USP13: variants seen among roughly 807,000 people sequenced by gnomAD.
The protein encoded by USP13 is ubiquitin specific peptidase 13, also known as ubiquitin carboxyl-terminal hydrolase 13.
USP13 carries 68 observed loss-of-function variants against 107.8 expected under a neutral mutation model. The observed-to-expected ratio is 0.63, with a 90% confidence interval of 0.52 to 0.77. The LOEUF is 0.77. USP13 is among the 30% of genes least tolerant of loss of function. The probability of loss-of-function intolerance (pLI) is 0.00; values close to 1 mark genes in which losing one functional copy is unlikely to be tolerated. For missense variants in USP13, 945 were observed against 1,093.3 expected, an observed-to-expected ratio of 0.86 and a Z score of 1.91; for synonymous variants, 377 against 389.5, an observed-to-expected ratio of 0.97 and a Z score of 0.38.
At chr3:179,704,068 A>C (rs1007259264) in intron 4 of USP13, among the ~76,000 whole-genome samples, 3 of 151,584 alleles carry the variant, frequency 2.0e-5, no homozygotes, top group African/African-American at 7.3e-5. Flanking sequence ...TAACATATCC[A>C]GGGAAAAATA....
chr3:179,740,578 CT>C (rs1714158100), intron 11 of USP13, among the ~76,000 whole-genome samples: 1 of 152,162 alleles, frequency 6.6e-6, no homozygotes, highest in African/African-American at 2.4e-5. Context: ...TTTCCAGACA[CT>C]TGTGGATCTC....
intron 2 of USP13, among the ~76,000 whole-genome samples, chr3:179,683,020 C>T (rs1017395814): frequency 1.3e-5 from 2 of 150,656 alleles, no homozygotes; most frequent in Non-Finnish European, 2.9e-5. Flanking sequence ...GAAGTGGCAT[C>T]TAAATATTTG....
chr3:179,703,487 C>T (rs932204327), intron 4 of USP13, among the ~76,000 whole-genome samples: 3 of 152,142 alleles, frequency 2.0e-5, no homozygotes, highest in African/African-American at 4.8e-5. Flanking sequence ...AGAGACATAG[C>T]ACTGTGAGCT....
chr3:179,781,811 A>G lies in USP13; in HGVS notation c.2486A>G (p.Lys829Arg), dbSNP rs749256817. The G allele has an allele frequency of 6.2e-7, 1 of 1,613,992 alleles. No individual in the cohort carries two copies. ...AGTGGTCATTACATTTGCCATATCA[A>G]AAAGGAAGGAAGGTGAGTCATTTTT... Reference protein sequence around the residue: ...TMSGHYICHIKKEGRWVIYND... With the variant: ...TMSGHYICHIRKEGRWVIYND... The change falls in exon 20 of 21, where the codon AAA becomes AGA. Residue 829 changes from lysine (K) to arginine (R), a missense_variant. Transcript: ENST00000263966.
At chr3:179,730,374 A>C in intron 9 of USP13, 114 bp downstream of exon 9, 1 of 1,168,924 alleles carries the variant, frequency 8.6e-7, no homozygotes, top group Non-Finnish European at 1.2e-6. Context: ...TTTTTAAAAA[A>C]GTGTTCCAAA....
rs1218445589 is a variant in USP13, at chr3:179,719,946, A to T, written c.812A>T (p.Tyr271Phe). The T allele has an allele frequency of 9.3e-6, 15 of 1,613,426 alleles. No homozygotes were observed. Among genetic ancestry groups the T allele is most frequent in the Non-Finnish European group, 1.3e-5 (15 of 1,179,700 alleles). The change falls in exon 7 of 21, where the codon TAT becomes TTT. Residue 271 changes from tyrosine to phenylalanine, a missense_variant. By Grantham distance (22) the Tyr-to-Phe change is conservative. Coordinates refer to ENST00000263966, the MANE Select transcript of USP13 (RefSeq NM_003940.3). ...GTITPDGADV[Y>F]SFQEEEPVLD... ...TTTTCTCTTCATCCGCTAGATGTTTATTCTTTTCAAGAAGAAGAACCTGTT... is the reference window on the plus strand; with the variant it reads ...TTTTCTCTTCATCCGCTAGATGTTTTTTCTTTTCAAGAAGAAGAACCTGTT...
intron 3 of USP13, among the ~76,000 whole-genome samples, chr3:179,694,451 G>A (rs1576930606): frequency 6.6e-6 from 1 of 151,940 alleles, no homozygotes; most frequent in South Asian, 2.1e-4. Flanking sequence ...GTCACCTTAC[G>A]GTCCAAAATG....
intron 19 of USP13, among the ~76,000 whole-genome samples, chr3:179,766,811 C>A (rs1279926897): frequency 6.6e-6 from 1 of 152,196 alleles, no homozygotes; most frequent in South Asian, 2.1e-4. Context: ...TTGTTCTTAA[C>A]CTTTGTGATA....
At chr3:179,740,519 G>A in intron 11 of USP13, 147 bp downstream of exon 11, 1 of 1,276,804 alleles carries the variant, frequency 7.8e-7, no homozygotes, top group Non-Finnish European at 1.1e-6. Context: ...TCAGATCCCT[G>A]GAAACTCTCT....
At chr3:179,779,207 G>A (rs1427119958) in intron 19 of USP13, among the ~76,000 whole-genome samples, 1 of 150,784 alleles carries the variant, frequency 6.6e-6, no homozygotes, top group Non-Finnish European at 1.5e-5. Context: ...TGGGGGCCGA[G>A]TAATGACCAC....
At chr3:179,759,693 G>C (rs1457206043) in intron 16 of USP13, among the ~76,000 whole-genome samples, 1 of 150,068 alleles carries the variant, frequency 6.7e-6, no homozygotes, top group Admixed American at 6.6e-5. Context: ...TTTTTTTTTT[G>C]AGACGGAGTC....
At chr3:179,727,557 C>T (rs371008031) in intron 8 of USP13, among the ~76,000 whole-genome samples, 45 of 117,600 alleles carry the variant, frequency 3.8e-4, no homozygotes, top group Non-Finnish European at 5.0e-4. Context: ...AAGTCTCCCA[C>T]GTCTACCTCT....
intron 15 of USP13, among the ~76,000 whole-genome samples, chr3:179,755,074 G>A (rs1057303005): frequency 6.6e-6 from 1 of 152,138 alleles, no homozygotes; most frequent in Non-Finnish European, 1.5e-5. Context: ...ATGTGTGGTT[G>A]AAATGGACAG....
In USP13 at chr3:179,698,142, C is replaced by T. The variant is rs974142770; in HGVS notation, c.356-2866C>T. 2.0e-5 allele frequency among the ~76,000 whole-genome samples: 3 copies of T among 152,182 alleles called. No homozygotes were observed. The South Asian group carries it at 6.2e-4, about 32-fold the overall frequency. ...CATAGGAGGTAAGACTCATTTCCGGCTCTCTGAGCTGACAGTCTAGAAGAA... is the reference window on the plus strand; with the variant it reads ...CATAGGAGGTAAGACTCATTTCCGGTTCTCTGAGCTGACAGTCTAGAAGAA... On this transcript the variant is annotated intron_variant, in intron 3 of 20. Coordinates refer to ENST00000263966, the MANE Select transcript of USP13 (RefSeq NM_003940.3).
rs1385511600 is a variant in USP13, at chr3:179,784,534, T to C, written c.*393T>C. On this transcript the variant is annotated 3_prime_UTR_variant, in exon 21 of 21. Coordinates refer to ENST00000263966, the MANE Select transcript of USP13 (RefSeq NM_003940.3). ...AATAATGTGGCCAGTGGTGTGGCCT[T>C]ACCCACAACAAATGAAAAGCCCACT... 6.3e-6 allele frequency: 1 copy of C among 159,734 alleles called. No individual in the cohort carries two copies. Among genetic ancestry groups the C allele is most frequent in the African/African-American group, 2.4e-5 (1 of 41,624 alleles). 9.9% of individuals were successfully genotyped at this position (159,734 alleles called of 1,614,324 possible).
At chr3:179,719,580 C>T (rs1017313594) in intron 6 of USP13, among the ~76,000 whole-genome samples, 3 of 152,158 alleles carry the variant, frequency 2.0e-5, no homozygotes, top group African/African-American at 7.2e-5. Flanking sequence ...CTGTGCCCAT[C>T]CCTCTTCCTG....
At chr3:179,757,022 T>C in intron 15 of USP13, 30 bp from the exon 16 acceptor site, 1 of 1,613,512 alleles carries the variant, frequency 6.2e-7, no homozygotes, top group South Asian at 1.1e-5. Context: ...TGGTTTGGTC[T>C]CATTTTCTGT....
chr3:179,760,352 C>T (rs1162986823), intron 16 of USP13, among the ~76,000 whole-genome samples: 46 of 150,800 alleles, frequency 3.1e-4, no homozygotes, highest in Non-Finnish European at 1.5e-4. Flanking sequence ...GGCGCTATCC[C>T]GGCTCACTGC....
intron 4 of USP13, among the ~76,000 whole-genome samples, chr3:179,701,543 C>T (rs1035937887): frequency 2.0e-5 from 3 of 152,128 alleles, no homozygotes; most frequent in African/African-American, 7.2e-5. Flanking sequence ...ATTATGTTGG[C>T]CTTCCATGTA....
Sources: gnomAD v4.1 joint callset for allele counts (sites outside exome capture counted in the v4.1 genomes callset) on GRCh38, gnomAD v4.1.1 for gene constraint, MANE v1.5 for transcripts, NCBI Gene and HGNC (gene_info 2026-07-23, HGNC 2026-07-21) for gene names.